Variants in RBM6 observed in about 807,000 individuals in gnomAD.
RBM6 encodes the protein RNA binding motif protein 6, also known as RNA-binding protein 6.
In RBM6, 23 loss-of-function variants were observed where a neutral mutation model predicts 140.4. That is an observed-to-expected ratio of 0.16 (90% CI 0.12 to 0.23). The LOEUF is 0.23. Among genes scored for constraint, RBM6 ranks in the 10% least tolerant of loss-of-function variants. The pLI, the probability that RBM6 is intolerant of heterozygous loss-of-function variation, is 1.00. For synonymous variants in RBM6, 439 were observed against 475.6 expected, an observed-to-expected ratio of 0.92 and a Z score of 1.00; for missense variants, 1,139 against 1,386.7, an observed-to-expected ratio of 0.82 and a Z score of 2.84.
At chr3:50,065,351 C>G (rs913974396) in intron 16 of RBM6, among the ~76,000 whole-genome samples, 1 of 152,248 alleles carries the variant, frequency 6.6e-6, no homozygotes, top group African/African-American at 2.4e-5. Flanking sequence ...TGGACTCTTT[C>G]TCTCTGCCCT....
At position 50,068,746 on chromosome 3, in the gene RBM6, G is replaced by A; in HGVS notation, c.3000G>A (p.Leu1000=). 2.5e-6 allele frequency: 4 copies of A among 1,614,060 alleles called. No individual in the cohort carries two copies. Among genetic ancestry groups the A allele is most frequent in the Non-Finnish European group, 3.4e-6 (4 of 1,179,942 alleles). The part of the protein sequence containing the change: ...IKQSEQELAY[L]ERREREGKFK... ...AGTCTGAGCAGGAGCTAGCCTATCT[G>A]GAAAGGAGAGAACGAGAGGTAAACT... The change falls in exon 18 of 21, where the codon CTG becomes CTA. Residue 1000 remains leucine (L), a synonymous_variant. Transcript: ENST00000266022.
intron 14 of RBM6, 37 bp downstream of exon 14, chr3:50,061,584 T>TTTTTA: frequency 7.8e-7 from 1 of 1,282,636 alleles, no homozygotes; most frequent in South Asian, 1.3e-5. Context: ...TTTTTTTTTT[T>TTTTTA]ACCTCTGTCA....
chr3:50,073,236 G>A (rs1240195265), intron 19 of RBM6, among the ~76,000 whole-genome samples: 1 of 152,138 alleles, frequency 6.6e-6, no homozygotes, highest in African/African-American at 2.4e-5. Flanking sequence ...TACCATAACT[G>A]AATACCACAG....
At chr3:49,972,010 T>C in intron 3 of RBM6, 49 bp from the exon 4 acceptor site, 2 of 1,355,214 alleles carry the variant, frequency 1.5e-6, no homozygotes, top group African/African-American at 1.4e-5. Context: ...GATTTGTGTT[T>C]TGTGCAGTAA....
At chr3:50,047,140 T>G (rs1301868105) in intron 6 of RBM6, 1 of 982,362 alleles carries the variant, frequency 1.0e-6, no homozygotes, top group African/African-American at 1.7e-5. Flanking sequence ...TTCTCTTGAC[T>G]TTTTTGATGT....
In RBM6 at chr3:49,968,129, T is replaced by A. The variant is rs1317513902; in HGVS notation, c.704T>A (p.Phe235Tyr). The A allele has an allele frequency of 1.2e-6, 2 of 1,614,084 alleles. No homozygotes were observed. Among genetic ancestry groups the A allele is most frequent in the South Asian group, 2.2e-5 (2 of 91,066 alleles). ...GACAAAGACGGAACACAAGTAGACTTTAGAGGCCGAGGTTCAGGTACTACT... is the reference window on the plus strand; with the variant it reads ...GACAAAGACGGAACACAAGTAGACTATAGAGGCCGAGGTTCAGGTACTACT... ...FRDKDGTQVD[F>Y]RGRGSGTTDL... Residue 235 changes from phenylalanine (F) to tyrosine (Y), a missense_variant, in exon 3 of 21, where the codon TTT (phenylalanine) becomes TAT (tyrosine). This residue lies in a region of RBM6 where 566 missense variants were observed against 612.7 expected (regional missense o/e 0.92). Transcript: ENST00000266022.
At chr3:49,963,726 G>A (rs1018539856) in intron 2 of RBM6, among the ~76,000 whole-genome samples, 1 of 152,164 alleles carries the variant, frequency 6.6e-6, no homozygotes, top group Middle Eastern at 3.4e-3. Context: ...CATACACACT[G>A]TATTTTAACT....
At chr3:49,978,214 T>TCCCA (rs780694408) in intron 5 of RBM6, among the ~76,000 whole-genome samples, 21 of 152,176 alleles carry the variant, frequency 1.4e-4, no homozygotes, top group Non-Finnish European at 2.5e-4. Context: ...TTTCCCAGGC[T>TCCCA]GGTCTTGAAC....
chr3:50,021,090 T>G (rs1017351133), intron 6 of RBM6, among the ~76,000 whole-genome samples: 5 of 152,236 alleles, frequency 3.3e-5, no homozygotes, highest in African/African-American at 1.2e-4. Context: ...TTCTGTCATT[T>G]TAAACTGGAA....
At chr3:50,051,668 T>G (rs1269083735) in intron 7 of RBM6, among the ~76,000 whole-genome samples, 1 of 152,180 alleles carries the variant, frequency 6.6e-6, no homozygotes, top group Admixed American at 6.5e-5. Context: ...AATTTTAAGT[T>G]TATTATGTAC....
chr3:50,068,022 C>T (rs1651237072), intron 17 of RBM6, among the ~76,000 whole-genome samples: 3 of 152,194 alleles, frequency 2.0e-5, no homozygotes, highest in Admixed American at 2.0e-4. Context: ...AAATTTCACC[C>T]ATCTGATGTA....
At chr3:49,994,255 A>G (rs1033391477) in intron 5 of RBM6, among the ~76,000 whole-genome samples, 2 of 151,820 alleles carry the variant, frequency 1.3e-5, no homozygotes, top group Admixed American at 1.3e-4. Context: ...TTTTGTAGAG[A>G]CAAGGTCTCA....
chr3:50,040,164 C>T (rs1387910914), intron 6 of RBM6, among the ~76,000 whole-genome samples: 4 of 152,088 alleles, frequency 2.6e-5, no homozygotes, highest in Middle Eastern at 3.4e-3. Flanking sequence ...TTTAAGTTCT[C>T]GGCCGGGTGC....
intron 15 of RBM6, 105 bp downstream of exon 15, chr3:50,062,213 A>G: frequency 7.4e-7 from 1 of 1,359,778 alleles, no homozygotes; most frequent in Non-Finnish European, 9.9e-7. Flanking sequence ...AACTTTAAAA[A>G]TACTCTGTCA....
At chr3:49,969,832 G>A (rs1003138997) in intron 3 of RBM6, among the ~76,000 whole-genome samples, 2 of 151,474 alleles carry the variant, frequency 1.3e-5, no homozygotes, top group East Asian at 3.9e-4. Flanking sequence ...GCAGTTGTGC[G>A]ATCTCAGCTC....
intron 11 of RBM6, among the ~76,000 whole-genome samples, chr3:50,060,013 A>G (rs1448660914): frequency 6.6e-6 from 1 of 152,140 alleles, no homozygotes; most frequent in Non-Finnish European, 1.5e-5. Context: ...GTGGTAGCAC[A>G]TATCTCTATT....
chr3:50,072,891 T>TTA (rs974019219), intron 19 of RBM6, among the ~76,000 whole-genome samples: 1 of 152,146 alleles, frequency 6.6e-6, no homozygotes, highest in Non-Finnish European at 1.5e-5. Context: ...TCAGCACCCT[T>TTA]TATACCACAT....
At chr3:49,963,453 C>T (rs2084373494) in intron 2 of RBM6, among the ~76,000 whole-genome samples, 1 of 152,048 alleles carries the variant, frequency 6.6e-6, no homozygotes, top group Admixed American at 6.6e-5. Context: ...CTTTTTGTCT[C>T]TTAGCGAAGG....
chr3:49,948,320 G>C (rs1213517656), intron 1 of RBM6, among the ~76,000 whole-genome samples: 1 of 152,004 alleles, frequency 6.6e-6, no homozygotes, highest in African/African-American at 2.4e-5. Context: ...CTGTGCTCAG[G>C]GGTTCGAGAC....
Sources: allele counts gnomAD v4.1 joint callset (sites outside exome capture counted in the v4.1 genomes callset), GRCh38; gene constraint gnomAD v4.1.1; regional missense constraint gnomAD v4.1.1; transcripts MANE v1.5; gene names NCBI Gene and HGNC (gene_info 2026-07-23, HGNC 2026-07-21).